The following TARS3 variants were observed in gnomAD, a reference collection of about 807,000 sequenced individuals.
TARS3 encodes threonine--tRNA ligase 2, cytoplasmic.
In TARS3, 94 loss-of-function variants were observed where a neutral mutation model predicts 103.5. The ratio of observed to expected loss-of-function variants is 0.91; its 90% CI spans 0.77 to 1.08. The LOEUF (loss-of-function observed/expected upper bound fraction) is 1.08. Among genes scored for constraint, TARS3 ranks in the 50% least tolerant of loss-of-function variants. TARS3 has a pLI of 0.00. For synonymous variants in TARS3, 416 were observed against 355.4 expected (o/e 1.17, Z -1.92); for missense variants, 952 against 995.2 (o/e 0.96, Z 0.58).
chr15:101,675,332 A>T (rs1567330401), intron 13 of TARS3, among the ~76,000 whole-genome samples: 1 of 152,226 alleles, frequency 6.6e-6, no homozygotes, highest in Non-Finnish European at 1.5e-5. Flanking sequence ...ATTTCTTTAA[A>T]ATCCTGGGCC....
chr15:101,660,144 G>A (rs1398484621), intron 16 of TARS3, among the ~76,000 whole-genome samples: 6 of 152,174 alleles, frequency 3.9e-5, no homozygotes, highest in Admixed American at 2.6e-4. Context: ...AGTATCATCC[G>A]GTGCCCAGTG....
At chr15:101,675,792 TA>T (rs1407503678) in intron 12 of TARS3, 55 bp from the exon 13 acceptor site, 1 of 1,537,692 alleles carries the variant, frequency 6.5e-7, no homozygotes, top group African/African-American at 1.4e-5. Flanking sequence ...ATTTATGTTT[TA>T]AAAAATACAA....
At chr15:101,672,397 C>T (rs575964851) in intron 13 of TARS3, among the ~76,000 whole-genome samples, 13 of 152,226 alleles carry the variant, frequency 8.5e-5, no homozygotes, top group African/African-American at 2.9e-4. Context: ...CCAGTATTCC[C>T]GTGAATCCAG....
chr15:101,696,557 A>C (rs1898992448), intron 10 of TARS3, among the ~76,000 whole-genome samples: 2 of 152,184 alleles, frequency 1.3e-5, no homozygotes, highest in South Asian at 4.1e-4. Flanking sequence ...GCTATGTTGC[A>C]ATAGCCATCC....
In TARS3 at chr15:101,724,317, C is replaced by T. The variant is rs1439008692; in HGVS notation, c.71G>A (p.Trp24Ter). The T allele has an allele frequency of 1.3e-6, 2 of 1,568,736 alleles. No homozygotes were observed. Among genetic ancestry groups the T allele is most frequent in the East Asian group, 4.9e-5 (2 of 40,954 alleles). The change falls in exon 1 of 19, where the codon TGG (tryptophan) becomes TAG (stop). Residue 24 changes from tryptophan to a stop codon, truncating the protein, a stop_gained. Coordinates refer to ENST00000335968, the MANE Select transcript of TARS3 (RefSeq NM_152334.3). LOFTEE classifies it high-confidence loss of function. ...CAGGCGCTCGACCTCCGACCACAGC[C>T]AGCGGATGTCCTCCTCCTGCCGCTC... is the stretch of plus-strand genomic sequence containing the variant. ...RLERQEEDIR[W>*]LWSEVERLRD...
intron 10 of TARS3, among the ~76,000 whole-genome samples, chr15:101,688,246 T>C (rs1898558716): frequency 6.6e-6 from 1 of 152,146 alleles, no homozygotes; most frequent in Admixed American, 6.5e-5. Context: ...GAAGGAAATA[T>C]GGATGTTCAT....
Position 101,684,092 on chromosome 15 carries a change from A to C in TARS3, c.1633T>G (p.Phe545Val). The change falls in exon 12 of 19, where the codon TTT becomes GTT. Residue 545 changes from phenylalanine (F) to valine (V), a missense_variant. By Grantham distance (50) the Phe-to-Val change is conservative. Coordinates refer to ENST00000335968, the MANE Select transcript of TARS3 (RefSeq NM_152334.3). ...RRFQQDDAHI[F>V]CTVEQIEEEI... ...TTGTTTACCTGCTCCACTGTGCAAA[A>C]AATGTGAGCATCGTCCTGCTGGAAG... 1 of 1,613,134 alleles carries C rather than the reference A, an allele frequency of 6.2e-7. No individual in the cohort carries two copies. Among genetic ancestry groups the C allele is most frequent in the South Asian group, 1.1e-5 (1 of 90,934 alleles).
Position 101,671,698 on chromosome 15 carries a change from T to C in TARS3, c.1839A>G (p.Pro613=). ...TAGGGCCATAAAATGCTCCATCTCC[T>C]GGGTTCATTTTCCACGGTTCTCCAA... is the stretch of plus-strand genomic sequence containing the variant. ...MDFGEPWKMN[P]GDGAFYGPKI... The change falls in exon 14 of 19, where the codon CCA becomes CCG. Residue 613 remains proline (P), a synonymous_variant. Transcript: ENST00000335968. 1 of 1,614,144 alleles carries C rather than the reference T, an allele frequency of 6.2e-7. No homozygotes were observed. The highest frequency in any genetic ancestry group is 1.7e-5 in the Admixed American group (1 of 60,022).
intron 15 of TARS3, among the ~76,000 whole-genome samples, chr15:101,668,161 C>T (rs953920684): frequency 1.1e-4 from 16 of 152,226 alleles, no homozygotes; most frequent in South Asian, 1.0e-3. Context: ...TGCAAGAGGC[C>T]GAGCTTTTGG....
intron 10 of TARS3, 70 bp downstream of exon 10, chr15:101,701,016 A>G (rs1899244477): frequency 9.4e-7 from 1 of 1,062,250 alleles, no homozygotes; most frequent in South Asian, 1.7e-5. Flanking sequence ...TGACCACTTT[A>G]TTATGAGAGA....
intron 11 of TARS3, among the ~76,000 whole-genome samples, chr15:101,684,790 A>G (rs557318898): frequency 6.6e-6 from 1 of 152,318 alleles, no homozygotes; most frequent in South Asian, 2.1e-4. Flanking sequence ...CTCCTGCAGA[A>G]AGCACTCCTA....
intron 7 of TARS3, among the ~76,000 whole-genome samples, chr15:101,704,637 A>G (rs1482849847): frequency 1.3e-5 from 2 of 150,900 alleles, no homozygotes; most frequent in African/African-American, 4.9e-5. Flanking sequence ...CCCGGGCAAC[A>G]GTGCAAGACT....
chr15:101,661,392 A>G (rs1032831355), intron 16 of TARS3, among the ~76,000 whole-genome samples: 1 of 150,932 alleles, frequency 6.6e-6, no homozygotes, highest in Non-Finnish European at 1.5e-5. Flanking sequence ...CAGGACAGCA[A>G]CTAGATCTCT....
intron 3 of TARS3, among the ~76,000 whole-genome samples, chr15:101,715,853 A>AC (rs1250753739): frequency 6.6e-6 from 1 of 152,204 alleles, no homozygotes; most frequent in Non-Finnish European, 1.5e-5. Flanking sequence ...AAGGGGATGT[A>AC]CCGTTGACAG....
chr15:101,675,101 T>C (rs1897968807), intron 13 of TARS3, among the ~76,000 whole-genome samples: 1 of 152,144 alleles, frequency 6.6e-6, no homozygotes, highest in Non-Finnish European at 1.5e-5. Flanking sequence ...AATGTGATGA[T>C]CTCCTTATCT....
chr15:101,702,826 T>C (rs1387695154), intron 8 of TARS3, among the ~76,000 whole-genome samples: 2 of 152,216 alleles, frequency 1.3e-5, no homozygotes, highest in African/African-American at 2.4e-5. Context: ...CTATTTGTAG[T>C]GCTGGGAACA....
intron 10 of TARS3, among the ~76,000 whole-genome samples, chr15:101,691,433 C>T (rs957238495): frequency 3.3e-5 from 5 of 152,062 alleles, no homozygotes; most frequent in African/African-American, 1.2e-4. Flanking sequence ...ATGTGCACCA[C>T]TACGCCTGGC....
intron 16 of TARS3, among the ~76,000 whole-genome samples, chr15:101,659,347 T>C (rs922759813): frequency 2.0e-5 from 3 of 152,316 alleles, no homozygotes; most frequent in East Asian, 1.9e-4. Context: ...TGATAAATGG[T>C]AGAACACAGA....
rs1355518957 is a variant in TARS3, at chr15:101,703,908, C to T, written c.1025G>A (p.Gly342Asp). 2 of 1,613,136 alleles carry T rather than the reference C, an allele frequency of 1.2e-6. No homozygotes were observed. Among genetic ancestry groups the T allele is most frequent in the South Asian group, 1.1e-5 (1 of 90,816 alleles). ...RCGPLIDLCK[G>D]PHVRHTGKIK... The stretch of plus-strand genomic sequence containing the variant: ...TTTTCCAGTGTGTCTTACATGTGGA[C>T]CTTTGCAAAGGTCAATTAATGGACC... Residue 342 changes from glycine (G) to aspartate (D), a missense_variant, in exon 8 of 19, where the codon GGT (glycine) becomes GAT (aspartate). This residue lies in a region of TARS3 where 540 missense variants were observed against 631.0 expected (regional missense o/e 0.86). Transcript: ENST00000335968.
Sources: gnomAD v4.1 joint callset for allele counts (sites outside exome capture counted in the v4.1 genomes callset) on GRCh38, gnomAD v4.1.1 for gene constraint, gnomAD v4.1.1 regional missense constraint, MANE v1.5 for transcripts, NCBI Gene and HGNC (gene_info 2026-07-23, HGNC 2026-07-21) for gene names.